TRDN: variants seen among roughly 807,000 people sequenced by gnomAD.
TRDN encodes triadin in skeletal muscle.
A neutral mutation model predicts 149.7 loss-of-function variants in TRDN; 161 were observed. That is an observed-to-expected ratio of 1.08 (90% confidence interval 0.95 to 1.23). The LOEUF (loss-of-function observed/expected upper bound fraction) is 1.23. TRDN is among the 50% of genes most tolerant of loss of function. The probability of loss-of-function intolerance (pLI) is 0.00; values close to 1 mark genes in which losing one functional copy is unlikely to be tolerated. For synonymous variants in TRDN, 294 were observed against 250.5 expected, an observed-to-expected ratio of 1.17 and a Z score of -1.64; for missense variants, 896 against 823.5, an observed-to-expected ratio of 1.09 and a Z score of -1.08.
intron 18 of TRDN, among the ~76,000 whole-genome samples, chr6:123,375,848 T>A (rs1364784082): frequency 6.6e-6 from 1 of 152,142 alleles, no homozygotes; most frequent in Non-Finnish European, 1.5e-5. Flanking sequence ...TATTGTTTGT[T>A]ATTCATACTT....
chr6:123,338,867 G>T lies in TRDN; in HGVS notation c.1370-1198C>A, dbSNP rs139769776. 3.0e-3 allele frequency among the ~76,000 whole-genome samples: 461 copies of T among 152,268 alleles called. 2 individuals are homozygous for T. Among genetic ancestry groups the T allele is most frequent in the African/African-American group, 0.01 (424 of 41,568 alleles). ...TAAAGTTATATAGATAATAGGGAAA[G>T]AATTTATTAATTCTAATTTTAAAAT... is the stretch of plus-strand genomic sequence containing the variant. On this transcript the variant is annotated intron_variant, in intron 21 of 40. Transcript: ENST00000334268.
chr6:123,338,038 T>C (rs2116224), intron 21 of TRDN, among the ~76,000 whole-genome samples: 53,432 of 152,066 alleles, frequency 0.35, 10,319 homozygotes, highest in African/African-American at 0.51. Flanking sequence ...CTCCATGAGG[T>C]ATATAGGTTC....
chr6:123,377,775 A>G, intron 17 of TRDN, 33 bp from the exon 18 acceptor site: 1 of 1,612,190 alleles, frequency 6.2e-7, no homozygotes, highest in Non-Finnish European at 8.5e-7. Context: ...AAAAATCAGC[A>G]TTCTATGTCA....
At chr6:123,516,288 A>C (rs1380273895) in intron 5 of TRDN, 82 bp from the exon 6 acceptor site, 1 of 1,307,530 alleles carries the variant, frequency 7.6e-7, no homozygotes, top group African/African-American at 1.5e-5. Context: ...TTTGATGTCA[A>C]AATTTATCTT....
At position 123,585,537 on chromosome 6, in the gene TRDN, G is replaced by A. The variant is rs55877781; in HGVS notation, c.23-14405C>T. On this transcript the variant is annotated intron_variant, in intron 1 of 40. Transcript: ENST00000334268. The stretch of plus-strand genomic sequence containing the variant: ...TGATGGTCTAGGGGGCTTCCGAGGC[G>A]ATTGGGCAGCGTCAGTCTTCAGCCG... Among the ~76,000 whole-genome samples, 1,286 of 152,274 alleles carry A rather than the reference G, an allele frequency of 8.4e-3. 21 individuals carry two copies. The highest frequency in any genetic ancestry group is 0.03 in the African/African-American group (1,229 of 41,544).
intron 35 of TRDN, among the ~76,000 whole-genome samples, chr6:123,256,666 G>GTT (rs951442706): frequency 7.5e-5 from 11 of 146,246 alleles, no homozygotes; most frequent in Non-Finnish European, 1.2e-4. Context: ...GGGGTTGTGT[G>GTT]TTTTTTTTTT....
intron 1 of TRDN, among the ~76,000 whole-genome samples, chr6:123,584,301 A>C (rs1041859549): frequency 1.3e-5 from 2 of 152,178 alleles, no homozygotes; most frequent in African/African-American, 4.8e-5. Context: ...TTTGGAAGTT[A>C]TGAGAAATGT....
chr6:123,636,885 G>T lies in TRDN; in HGVS notation c.-110C>A. The T allele has an allele frequency of 1.5e-6, 2 of 1,305,836 alleles. No individual in the cohort carries two copies. Among genetic ancestry groups the T allele is most frequent in the Non-Finnish European group, 1.1e-6 (1 of 912,318 alleles). 80.9% of individuals were successfully genotyped at this position (1,305,836 alleles called of 1,614,324 possible). ...GGAGGGTTCTGTGTCAAAACCTGGG[G>T]GCTCTTCGTTTTCCTGGCTGTTTCT... On this transcript the variant is annotated 5_prime_UTR_variant, in exon 1 of 41. Transcript: ENST00000334268.
chr6:123,351,844 A>G, intron 21 of TRDN: 2 of 981,954 alleles, frequency 2.0e-6, no homozygotes, highest in Non-Finnish European at 2.4e-6. Context: ...GGGAACGACA[A>G]TTAAAATTAT....
chr6:123,227,656 A>T (rs1014118323), intron 38 of TRDN, among the ~76,000 whole-genome samples: 1 of 152,014 alleles, frequency 6.6e-6, no homozygotes, highest in Non-Finnish European at 1.5e-5. Flanking sequence ...GCTAGGCCCT[A>T]TTAAGTTATT....
At chr6:123,346,714 T>C (rs1316060204) in intron 21 of TRDN, among the ~76,000 whole-genome samples, 3 of 152,096 alleles carry the variant, frequency 2.0e-5, no homozygotes, top group African/African-American at 4.8e-5. Context: ...ATAAACCATA[T>C]TATATTTAAT....
chr6:123,238,246 A>AT (rs1484565563), intron 38 of TRDN, among the ~76,000 whole-genome samples: 5 of 152,332 alleles, frequency 3.3e-5, no homozygotes, highest in African/African-American at 7.2e-5. Context: ...AGATAGGCAC[A>AT]TACTGATTAA....
chr6:123,631,916 A>G (rs926274615), intron 1 of TRDN, among the ~76,000 whole-genome samples: 1 of 152,092 alleles, frequency 6.6e-6, no homozygotes, highest in African/African-American at 2.4e-5. Context: ...AAATATTTGA[A>G]TGTGTATCTC....
chr6:123,431,304 T>A (rs1774332685), intron 12 of TRDN, among the ~76,000 whole-genome samples: 1 of 152,174 alleles, frequency 6.6e-6, no homozygotes, highest in East Asian at 1.9e-4. Context: ...GATTTTCCAT[T>A]TTTTACTTAT....
chr6:123,630,932 C>T lies in TRDN; in HGVS notation c.22+5822G>A, dbSNP rs998080. On this transcript the variant is annotated intron_variant, in intron 1 of 40. Coordinates refer to ENST00000334268, the MANE Select transcript of TRDN (RefSeq NM_006073.4). ...GACCCTTCTTTTGAGGCCCCATCCT[C>T]CCCAGACCAAGAGTGGTTGAGTAGT... is the stretch of plus-strand genomic sequence containing the variant. Among the ~76,000 whole-genome samples the T allele has an allele frequency of 0.011, 1,733 of 152,016 alleles. 74 individuals are homozygous for T. In the East Asian group the frequency reaches 0.17, roughly 15 times the overall value.
intron 5 of TRDN, among the ~76,000 whole-genome samples, chr6:123,519,070 C>CA (rs1462498945): frequency 1.3e-5 from 2 of 152,296 alleles, no homozygotes; most frequent in Non-Finnish European, 2.9e-5. Flanking sequence ...CCCTATTTGG[C>CA]AAGTTATATC....
intron 9 of TRDN, among the ~76,000 whole-genome samples, chr6:123,466,913 A>T (rs900797906): frequency 6.6e-6 from 1 of 152,042 alleles, no homozygotes; most frequent in African/African-American, 2.4e-5. Context: ...GTATAATTAT[A>T]GTCTTTTATA....
chr6:123,328,570 CT>C (rs1478246717), intron 23 of TRDN, among the ~76,000 whole-genome samples: 1 of 152,118 alleles, frequency 6.6e-6, no homozygotes, highest in Non-Finnish European at 1.5e-5. Flanking sequence ...CCCAAGTACA[CT>C]TTGATGGCTC....
chr6:123,310,808 A>G (rs986011757), intron 24 of TRDN, among the ~76,000 whole-genome samples: 2 of 151,964 alleles, frequency 1.3e-5, no homozygotes, highest in Non-Finnish European at 2.9e-5. Flanking sequence ...AAGGAAAGTG[A>G]CCCATTTTGG....
Sources: gnomAD v4.1 joint callset for allele counts (sites outside exome capture counted in the v4.1 genomes callset) on GRCh38, gnomAD v4.1.1 for gene constraint, MANE v1.5 for transcripts, NCBI Gene and HGNC (gene_info 2026-07-23, HGNC 2026-07-21) for gene names.